FAR2: variants seen among roughly 807,000 people sequenced by gnomAD.
FAR2 encodes the protein fatty acyl-CoA reductase 2.
FAR2 carries 19 observed loss-of-function variants against 56.0 expected under a neutral mutation model. The observed-to-expected ratio is 0.34, with a 90% confidence interval of 0.24 to 0.50. The LOEUF is 0.50. FAR2 is among the 20% of genes least tolerant of loss of function. The pLI is 0.98. For synonymous variants in FAR2, 219 were observed against 218.8 expected (o/e 1.00, Z -0.01); for missense variants, 508 against 642.2 (o/e 0.79, Z 2.26).
chr12:29,332,523 T>G (rs1949744706), intron 10 of FAR2, 77 bp from the exon 11 acceptor site: 3 of 1,592,592 alleles, frequency 1.9e-6, no homozygotes, highest in Non-Finnish European at 2.6e-6. Context: ...CTCGTCTATG[T>G]AGAAGAAACC....
At chr12:29,180,304 G>A (rs1314121162) in intron 1 of FAR2, among the ~76,000 whole-genome samples, 1 of 152,186 alleles carries the variant, frequency 6.6e-6, no homozygotes, top group African/African-American at 2.4e-5. Flanking sequence ...TTCTTGCAGA[G>A]TAGTAATGAC....
At chr12:29,312,540 T>C (rs1949370739) in intron 8 of FAR2, among the ~76,000 whole-genome samples, 1 of 152,020 alleles carries the variant, frequency 6.6e-6, no homozygotes, top group East Asian at 1.9e-4. Context: ...AGGTCTTGGG[T>C]GGTGCTGAGG....
At chr12:29,266,165 C>G (rs1338635116) in intron 1 of FAR2, among the ~76,000 whole-genome samples, 1 of 151,962 alleles carries the variant, frequency 6.6e-6, no homozygotes, top group Non-Finnish European at 1.5e-5. Flanking sequence ...AGGTATATAC[C>G]CCGATGAAAG....
chr12:29,304,005 G>C (rs1949217481), intron 4 of FAR2, among the ~76,000 whole-genome samples: 1 of 152,174 alleles, frequency 6.6e-6, no homozygotes, highest in African/African-American at 2.4e-5. Flanking sequence ...TTCTCCATAA[G>C]CATTAGGCTC....
intron 1 of FAR2, among the ~76,000 whole-genome samples, chr12:29,168,472 T>C (rs1204747612): frequency 6.6e-6 from 1 of 152,202 alleles, no homozygotes; most frequent in Non-Finnish European, 1.5e-5. Flanking sequence ...CAGAAAGAAA[T>C]GAACAGAAAG....
chr12:29,308,707 C>CATATATAT lies in FAR2; in HGVS notation c.724-478_724-477insTATATATA, dbSNP rs1253144255. Among the ~76,000 whole-genome samples, 142 of 136,972 alleles carry CATATATAT rather than the reference C, an allele frequency of 1.0e-3. 6 individuals carry two copies. The highest frequency in any genetic ancestry group is 3.7e-3 in the African/African-American group (114 of 30,760). The allele number at this position is 136,972 out of a possible 152,430, so 89.9% of individuals were successfully genotyped here. ...ACACACAGACACACACACACACACA[C>CATATATAT]ACACACACACACATATATATATATA... On this transcript the variant is annotated intron_variant, in intron 5 of 11. Transcript: ENST00000536681.
chr12:29,245,480 T>C (rs1286047513), intron 1 of FAR2, among the ~76,000 whole-genome samples: 1 of 152,184 alleles, frequency 6.6e-6, no homozygotes, highest in East Asian at 1.9e-4. Flanking sequence ...GGGGTTGGGC[T>C]TGGGGGGTCT....
intron 1 of FAR2, among the ~76,000 whole-genome samples, chr12:29,199,413 C>T (rs1400896697): frequency 6.6e-6 from 1 of 150,660 alleles, no homozygotes; most frequent in Non-Finnish European, 1.5e-5. Context: ...TCCTGGCCAA[C>T]ATGGTGAAGC....
intron 4 of FAR2, chr12:29,302,079 A>T (rs934342433): frequency 6.6e-6 from 1 of 151,846 alleles, no homozygotes. Flanking sequence ...AAATACAAAA[A>T]ATTAGCCGGG....
chr12:29,187,088 C>T (rs566166521), intron 1 of FAR2, among the ~76,000 whole-genome samples: 37 of 152,182 alleles, frequency 2.4e-4, no homozygotes, highest in African/African-American at 8.7e-4. Context: ...GCGCCCGGCC[C>T]GGCTTAGTTC....
chr12:29,305,663 C>T (rs1226121956), intron 4 of FAR2, among the ~76,000 whole-genome samples: 2 of 152,030 alleles, frequency 1.3e-5, no homozygotes, highest in African/African-American at 2.4e-5. Context: ...TTCCTGTTTA[C>T]TCTTATGAGA....
At chr12:29,275,968 A>G (rs1948700595) in intron 2 of FAR2, among the ~76,000 whole-genome samples, 1 of 152,186 alleles carries the variant, frequency 6.6e-6, no homozygotes, top group South Asian at 2.1e-4. Context: ...TGTGGTCCCA[A>G]TATCAGCAGC....
At chr12:29,195,777 G>C (rs962345431) in intron 1 of FAR2, among the ~76,000 whole-genome samples, 3 of 152,080 alleles carry the variant, frequency 2.0e-5, no homozygotes, top group Admixed American at 2.0e-4. Flanking sequence ...TTGCATAGCA[G>C]TGAGGTCTGG....
At chr12:29,304,921 A>C (rs1295390578) in intron 4 of FAR2, among the ~76,000 whole-genome samples, 1 of 152,094 alleles carries the variant, frequency 6.6e-6, no homozygotes, top group Non-Finnish European at 1.5e-5. Context: ...TAACTTATTT[A>C]CTGTTTTAAA....
intron 1 of FAR2, among the ~76,000 whole-genome samples, chr12:29,245,929 C>T (rs1241381460): frequency 6.6e-6 from 1 of 152,072 alleles, no homozygotes; most frequent in Non-Finnish European, 1.5e-5. Flanking sequence ...ACCAGCTTCA[C>T]AATACACAAA....
At chr12:29,172,077 C>T (rs1454154521) in intron 1 of FAR2, 1 of 151,512 alleles carries the variant, frequency 6.6e-6, no homozygotes, top group Non-Finnish European at 1.5e-5. Context: ...GCGCCTCTGC[C>T]CAGCCACCAA....
chr12:29,155,056 C>T (rs1455009735), intron 1 of FAR2, among the ~76,000 whole-genome samples: 2 of 152,222 alleles, frequency 1.3e-5, no homozygotes, highest in East Asian at 1.9e-4. Flanking sequence ...CAACCCTGCT[C>T]TGTGGATGAT....
chr12:29,321,725 C>G (rs1022188134), intron 9 of FAR2, 70 bp from the exon 10 acceptor site: 37 of 1,496,378 alleles, frequency 2.5e-5, no homozygotes, highest in Non-Finnish European at 2.6e-5. Flanking sequence ...AAAATAATTT[C>G]TCATACATCC....
rs552114207 is a variant in FAR2, at chr12:29,150,710, G to A, written c.-39+1303G>A. Among the ~76,000 whole-genome samples the A allele has an allele frequency of 8.5e-4, 129 of 152,306 alleles. 1 individual carries two copies. The highest frequency in any genetic ancestry group is 2.9e-3 in the African/African-American group (122 of 41,582). On this transcript the variant is annotated intron_variant, in intron 1 of 11. Transcript: ENST00000536681. Reference sequence around the variant, plus strand: ...ATGGGCATGAGGTTTTTACCAGGCCGACGCGTGTGTCAATATTTCATCGGT... The same window carrying A: ...ATGGGCATGAGGTTTTTACCAGGCCAACGCGTGTGTCAATATTTCATCGGT...
Sources: allele counts gnomAD v4.1 joint callset (sites outside exome capture counted in the v4.1 genomes callset), GRCh38; gene constraint gnomAD v4.1.1; transcripts MANE v1.5; gene names NCBI Gene and HGNC (gene_info 2026-07-23, HGNC 2026-07-21).